The following STK39 variants were observed in gnomAD, a reference collection of about 807,000 sequenced individuals.
STK39 encodes STE20/SPS1-related proline-alanine-rich protein kinase.
Under a neutral mutation model 77.8 loss-of-function variants are expected in STK39, and 20 were observed. The observed-to-expected ratio is 0.26, with a 90% CI of 0.18 to 0.37. STK39 has a LOEUF of 0.37. STK39 is among the 10% of genes least tolerant of loss of function. STK39 has a pLI of 1.00. For missense variants in STK39, 479 were observed against 656.5 expected, an observed-to-expected ratio of 0.73 and a Z score of 2.95; for synonymous variants, 246 against 234.1, an observed-to-expected ratio of 1.05 and a Z score of -0.47.
chr2:168,062,675 A>G (rs954312089), intron 14 of STK39, among the ~76,000 whole-genome samples: 1 of 152,214 alleles, frequency 6.6e-6, no homozygotes, highest in Non-Finnish European at 1.5e-5. Flanking sequence ...GTGGCCAGAA[A>G]CTAACCTTGC....
At chr2:167,956,667 G>GACACACACACAC (rs762455680) in intron 17 of STK39, among the ~76,000 whole-genome samples, 3,864 of 47,554 alleles carry the variant, frequency 0.081, 461 homozygotes, top group African/African-American at 0.11. Flanking sequence ...CTTGCTTTTA[G>GACACACACACAC]ACACACACAC....
At chr2:168,066,724 C>G (rs1574435483) in intron 12 of STK39, among the ~76,000 whole-genome samples, 1 of 152,220 alleles carries the variant, frequency 6.6e-6, no homozygotes. Flanking sequence ...GGCTAATCAA[C>G]TAGGCGGGGG....
chr2:168,075,062 A>C (rs1686043253), intron 11 of STK39, 47 bp downstream of exon 11: 1 of 1,613,964 alleles, frequency 6.2e-7, no homozygotes, highest in Admixed American at 1.7e-5. Context: ...CACAATCACA[A>C]AAATAAAATT....
intron 5 of STK39, among the ~76,000 whole-genome samples, chr2:168,152,541 T>C (rs4668030): frequency 0.42 from 63,539 of 151,956 alleles, 14,943 homozygotes; most frequent in East Asian, 0.67. Context: ...ATTGGTGGGG[T>C]AGGGGTGAAA....
chr2:168,221,743 C>A (rs183669514), intron 1 of STK39, among the ~76,000 whole-genome samples: 18 of 152,176 alleles, frequency 1.2e-4, no homozygotes, highest in African/African-American at 4.3e-4. Flanking sequence ...AAGGTCAGAC[C>A]GTAAAGGGCA....
At chr2:168,186,001 C>T (rs564799197) in intron 1 of STK39, among the ~76,000 whole-genome samples, 1 of 152,220 alleles carries the variant, frequency 6.6e-6, no homozygotes, top group African/African-American at 2.4e-5. Context: ...GTCTGTGTTC[C>T]CCTAAAATGT....
chr2:167,990,096 G>A (rs893696083), intron 16 of STK39, among the ~76,000 whole-genome samples: 20 of 152,096 alleles, frequency 1.3e-4, no homozygotes, highest in African/African-American at 4.8e-4. Context: ...AATTCAATAA[G>A]GTGAGAAAGA....
intron 17 of STK39, among the ~76,000 whole-genome samples, chr2:167,957,899 C>G (rs1691831084): frequency 6.6e-6 from 1 of 152,156 alleles, no homozygotes; most frequent in African/African-American, 2.4e-5. Context: ...TCACAAAGTT[C>G]CTACCCACCC....
At chr2:167,984,081 T>C (rs1407471488) in intron 16 of STK39, among the ~76,000 whole-genome samples, 1 of 152,154 alleles carries the variant, frequency 6.6e-6, no homozygotes, top group Non-Finnish European at 1.5e-5. Flanking sequence ...ATCCATGACT[T>C]ACTTTTTAAG....
chr2:168,183,378 A>G (rs1689132039), intron 1 of STK39, among the ~76,000 whole-genome samples: 1 of 152,122 alleles, frequency 6.6e-6, no homozygotes, highest in Non-Finnish European at 1.5e-5. Flanking sequence ...TTGACTCCTT[A>G]TGAGCCTGTA....
chr2:168,038,252 T>TC (rs1473339640), intron 14 of STK39, among the ~76,000 whole-genome samples: 1 of 151,840 alleles, frequency 6.6e-6, no homozygotes, highest in Non-Finnish European at 1.5e-5. Context: ...ATTTTTTGCA[T>TC]CCCCCCAAGC....
intron 1 of STK39, among the ~76,000 whole-genome samples, chr2:168,236,651 T>C: frequency 6.6e-6 from 1 of 152,262 alleles, no homozygotes; most frequent in East Asian, 1.9e-4. Context: ...GGATCCAGTT[T>C]CAGCTTTCTA....
At chr2:168,031,975 C>A (rs2029076) in intron 14 of STK39, among the ~76,000 whole-genome samples, 115,183 of 152,148 alleles carry the variant, frequency 0.76, 43,784 homozygotes, top group African/African-American at 0.78. Flanking sequence ...TTTGGGAAGA[C>A]ATCATCCCTT....
chr2:168,023,660 A>T (rs1387171033), intron 14 of STK39, among the ~76,000 whole-genome samples: 1 of 152,072 alleles, frequency 6.6e-6, no homozygotes, highest in Admixed American at 6.6e-5. Flanking sequence ...GGGCACTCAC[A>T]CTCTAAGACC....
intron 1 of STK39, among the ~76,000 whole-genome samples, chr2:168,219,789 T>C (rs923710842): frequency 1.3e-5 from 2 of 151,880 alleles, no homozygotes; most frequent in Non-Finnish European, 2.9e-5. Context: ...GTTCACAACT[T>C]GATAGATGCC....
chr2:168,205,875 A>T (rs549001647), intron 1 of STK39, among the ~76,000 whole-genome samples: 1 of 152,262 alleles, frequency 6.6e-6, no homozygotes, highest in Non-Finnish European at 1.5e-5. Flanking sequence ...ATTATAACGA[A>T]TTTTTTGTAT....
In STK39 at chr2:168,162,736, G is replaced by C. The variant is rs568958851; in HGVS notation, c.573-894C>G. ...CTAAAGTAACTTTTTTCTAATTATT[G>C]AAAAATATAGGCCAGCCACAGTGGC... On this transcript the variant is annotated intron_variant, in intron 4 of 17. Coordinates refer to ENST00000355999, the MANE Select transcript of STK39 (RefSeq NM_013233.3). Among the ~76,000 whole-genome samples the C allele has an allele frequency of 3.9e-5, 6 of 151,908 alleles. No homozygotes were observed. In the East Asian group the frequency reaches 1.2e-3, roughly 29 times the overall value.
intron 16 of STK39, among the ~76,000 whole-genome samples, chr2:168,006,775 G>C (rs531921833): frequency 1.3e-5 from 2 of 152,166 alleles, no homozygotes; most frequent in Non-Finnish European, 2.9e-5. Flanking sequence ...AGGTAGTGCC[G>C]AGTTTAAGCA....
intron 10 of STK39, among the ~76,000 whole-genome samples, chr2:168,094,894 C>T (rs774341677): frequency 9.2e-5 from 14 of 152,154 alleles, no homozygotes; most frequent in Admixed American, 1.3e-4. Context: ...CAGTTCCCAC[C>T]AGTTTCAGAA....
Sources: gnomAD v4.1 joint callset for allele counts (sites outside exome capture counted in the v4.1 genomes callset) on GRCh38, gnomAD v4.1.1 for gene constraint, MANE v1.5 for transcripts, NCBI Gene and HGNC (gene_info 2026-07-23, HGNC 2026-07-21) for gene names.